Variants in SIGLEC5 observed in about 807,000 individuals in gnomAD.
SIGLEC5 encodes the protein sialic acid-binding Ig-like lectin 5.
A neutral mutation model predicts 45.9 loss-of-function variants in SIGLEC5; 34 were observed. The observed-to-expected ratio is 0.74, with a 90% CI of 0.56 to 0.99. The LOEUF is 0.99. SIGLEC5 is among the 50% of genes least tolerant of loss of function. The probability of loss-of-function intolerance (pLI) is 0.00; values close to 1 mark genes in which losing one functional copy is unlikely to be tolerated. For missense variants in SIGLEC5, 508 were observed against 629.6 expected (o/e 0.81, Z 2.07); for synonymous variants, 203 against 258.6 (o/e 0.79, Z 2.06).
At chr19:51,617,277 A>C (rs950030543) in intron 8 of SIGLEC5, among the ~76,000 whole-genome samples, 3 of 151,814 alleles carry the variant, frequency 2.0e-5, no homozygotes, top group African/African-American at 7.2e-5. Flanking sequence ...AAAGTAGAAA[A>C]GGAAAAATAT....
intron 8 of SIGLEC5, chr19:51,621,643 A>G (rs770993679): frequency 6.6e-6 from 1 of 152,226 alleles, no homozygotes; most frequent in Non-Finnish European, 1.5e-5. Context: ...GAATATCACT[A>G]ATTTTTCAGA....
At position 51,612,402 on chromosome 19, in the gene SIGLEC5, C is replaced by T. The variant is rs1459133693; in HGVS notation, c.1485G>A (p.Trp495Ter). The T allele has an allele frequency of 1.2e-6, 2 of 1,610,762 alleles. No individual in the cohort carries two copies. The highest frequency in any genetic ancestry group is 8.5e-7 in the Non-Finnish European group (1 of 1,178,616). The change falls in exon 9 of 9, where the codon TGG becomes TGA. Residue 495 changes from tryptophan to a stop codon, truncating the protein, a stop_gained. Transcript: ENST00000683636. LOFTEE classifies it low-confidence loss of function (END_TRUNC). ...ATGCTTGATCTCCGGGGCTGTCTGG[C>T]CAGGGCTTCTTCCTGGAACCCTGAG... ...TITSGSRKKP[W>*]PDSPGDQASP...
intron 3 of SIGLEC5, 135 bp downstream of exon 3, chr19:51,629,223 C>A: frequency 2.6e-6 from 4 of 1,542,140 alleles, no homozygotes; most frequent in Non-Finnish European, 2.6e-6. Context: ...GGCTTAGATC[C>A]ACACACAAGG....
rs1227783579 is a variant in SIGLEC5 at position 51,612,131 on chromosome 19, C to T, written c.*100G>A. 2.3e-6 allele frequency: 2 copies of T among 875,836 alleles called. No homozygotes were observed. The highest frequency in any genetic ancestry group is 3.8e-4 in the Middle Eastern group (1 of 2,656). 54.3% of individuals were successfully genotyped at this position (875,836 alleles called of 1,614,324 possible). On this transcript the variant is annotated 3_prime_UTR_variant, in exon 9 of 9. Transcript: ENST00000683636. The stretch of plus-strand genomic sequence containing the variant: ...TAAACATCAGTTAATGTTAACATTG[C>T]CACAAGGGCTCTTCGTGCTTCAGCA...
rs772906943 is a variant in SIGLEC5 at position 51,627,668 on chromosome 19, G to A, written c.1076C>T (p.Pro359Leu). 5.6e-6 allele frequency: 9 copies of A among 1,610,530 alleles called. No individual in the cohort carries two copies. Among genetic ancestry groups the A allele is most frequent in the African/African-American group, 2.7e-5 (2 of 74,978 alleles). ...LHCRCSFRAR[P>L]APSLCWRLEE... is the part of the protein sequence containing the mutation. Reference sequence around the variant, plus strand: ...AAGCCGCCAGCACAGGGAGGGGGCCGGCCGGGCTCGAAAGGAGCATCTGCA... The same window carrying A: ...AAGCCGCCAGCACAGGGAGGGGGCCAGCCGGGCTCGAAAGGAGCATCTGCA... Residue 359 changes from proline to leucine, a missense_variant, in exon 6 of 9, where the codon CCG (proline) becomes CTG (leucine). Coordinates refer to ENST00000683636, the MANE Select transcript of SIGLEC5 (RefSeq NM_003830.4).
intron 8 of SIGLEC5, among the ~76,000 whole-genome samples, chr19:51,620,494 T>G (rs895603179): frequency 1.3e-5 from 2 of 152,166 alleles, no homozygotes; most frequent in Non-Finnish European, 2.9e-5. Flanking sequence ...TTCCCCATGG[T>G]AACAGATTAA....
intron 8 of SIGLEC5, among the ~76,000 whole-genome samples, chr19:51,615,766 G>T (rs193214032): frequency 3.9e-5 from 6 of 152,240 alleles, no homozygotes; most frequent in African/African-American, 1.2e-4. Context: ...TCCACCCTGG[G>T]GCTTGTCCCA....
At chr19:51,617,172 G>A (rs1029401259) in intron 8 of SIGLEC5, among the ~76,000 whole-genome samples, 30 of 149,658 alleles carry the variant, frequency 2.0e-4, no homozygotes, top group African/African-American at 1.2e-4. Context: ...GGAGAATGGC[G>A]TGAACCCGGG....
At chr19:51,613,718 T>G (rs1982944537) in intron 8 of SIGLEC5, among the ~76,000 whole-genome samples, 1 of 152,250 alleles carries the variant, frequency 6.6e-6, no homozygotes, top group Non-Finnish European at 1.5e-5. Flanking sequence ...TATCCCCACC[T>G]TACACACAGG....
intron 8 of SIGLEC5, among the ~76,000 whole-genome samples, chr19:51,616,924 A>AAC (rs1983083907): frequency 6.7e-6 from 1 of 148,610 alleles, no homozygotes; most frequent in Non-Finnish European, 1.5e-5. Flanking sequence ...AAAAACAAAA[A>AAC]AAAAAAACAC....
chr19:51,612,445 T>A (rs1173354100), intron 8 of SIGLEC5, 23 bp from the exon 9 acceptor site: 1 of 1,554,354 alleles, frequency 6.4e-7, no homozygotes, highest in Non-Finnish European at 8.8e-7. Context: ...GAAGGAAAGG[T>A]GTCACAGTAG....
In SIGLEC5 at chr19:51,612,411, C is replaced by T. The variant is rs752973173; in HGVS notation, c.1476G>A (p.Lys492=). 1.9e-5 allele frequency: 31 copies of T among 1,609,166 alleles called. No individual in the cohort carries two copies. Among genetic ancestry groups the T allele is most frequent in the Non-Finnish European group, 2.6e-5 (31 of 1,178,072 alleles). The stretch of plus-strand genomic sequence containing the variant: ...CTCCGGGGCTGTCTGGCCAGGGCTT[C>T]TTCCTGGAACCCTGAGTAAAGGGGA... ...IMGTITSGSR[K]KPWPDSPGDQ... The change falls in exon 9 of 9, where the codon AAG becomes AAA. Residue 492 remains lysine, a synonymous_variant. Coordinates refer to ENST00000683636, the MANE Select transcript of SIGLEC5 (RefSeq NM_003830.4).
In SIGLEC5 at chr19:51,612,175, C is replaced by G. The variant is rs576568789; in HGVS notation, c.*56G>C. On this transcript the variant is annotated 3_prime_UTR_variant, in exon 9 of 9. Coordinates refer to ENST00000683636, the MANE Select transcript of SIGLEC5 (RefSeq NM_003830.4). ...TTCAGCAAGTGGTCCCTGACTTGTC[C>G]TTTCCCCCAGACAGGCTGTGGCTCC... The G allele has an allele frequency of 3.5e-6, 5 of 1,444,720 alleles. No homozygotes were observed. In the East Asian group the frequency reaches 9.6e-5, roughly 28 times the overall value. 89.5% of individuals were successfully genotyped at this position (1,444,720 alleles called of 1,614,324 possible).
chr19:51,626,305 A>G (rs1983477675), intron 7 of SIGLEC5, among the ~76,000 whole-genome samples, 192 bp from the exon 8 acceptor site: 1 of 152,154 alleles, frequency 6.6e-6, no homozygotes, highest in Non-Finnish European at 1.5e-5. Flanking sequence ...CAGGGTGGCC[A>G]TGGACTGAAT....
intron 8 of SIGLEC5, among the ~76,000 whole-genome samples, chr19:51,616,165 C>T (rs1263417429): frequency 6.6e-6 from 1 of 152,178 alleles, no homozygotes; most frequent in East Asian, 1.9e-4. Context: ...TAGCCAATAA[C>T]CCCAGGGGAA....
chr19:51,619,365 C>G (rs1344908538), intron 8 of SIGLEC5, among the ~76,000 whole-genome samples: 1 of 152,182 alleles, frequency 6.6e-6, no homozygotes, highest in African/African-American at 2.4e-5. Context: ...CAGGTATGAG[C>G]CACCGCACCC....
chr19:51,617,056 C>T (rs1404854526), intron 8 of SIGLEC5, among the ~76,000 whole-genome samples: 2 of 151,630 alleles, frequency 1.3e-5, no homozygotes, highest in Non-Finnish European at 2.9e-5. Context: ...GAGATCAAGA[C>T]CATCCTGGCT....
At position 51,628,017 on chromosome 19, in the gene SIGLEC5, G is replaced by C; in HGVS notation, c.814C>G (p.Pro272Ala). 3.7e-6 allele frequency: 6 copies of C among 1,605,474 alleles called. No individual in the cohort carries two copies. The highest frequency in any genetic ancestry group is 5.1e-6 in the Non-Finnish European group (6 of 1,175,608). The change falls in exon 5 of 9, where the codon CCC (proline) becomes GCC (alanine). Residue 272 changes from proline (P) to alanine (A), a missense_variant. Pro to Ala is a conservative substitution (Grantham distance 27). Around this residue, in one of 2 missense-constraint regions of SIGLEC5, gnomAD observed 431 missense variants for 428.8 expected, o/e 1.01. Coordinates refer to ENST00000683636, the MANE Select transcript of SIGLEC5 (RefSeq NM_003830.4). Reference protein sequence around the residue: ...GQALRLLCDAPSNPPAHLSWF... With the variant: ...GQALRLLCDAASNPPAHLSWF... Reference sequence around the variant, plus strand: ...CTCAGGTGTGCAGGGGGGTTGCTGGGAGCATCACAGAGCAGCCGCAGAGCC... The same window carrying C: ...CTCAGGTGTGCAGGGGGGTTGCTGGCAGCATCACAGAGCAGCCGCAGAGCC...
At chr19:51,628,195 C>T (rs1380423653) in intron 4 of SIGLEC5, 104 bp from the exon 5 acceptor site, 3 of 1,319,800 alleles carry the variant, frequency 2.3e-6, no homozygotes, top group Non-Finnish European at 3.0e-6. Context: ...CCTCTCCTCC[C>T]CTGGCCTATG....
Sources: gnomAD v4.1 joint callset for allele counts (sites outside exome capture counted in the v4.1 genomes callset) on GRCh38, gnomAD v4.1.1 for gene constraint, gnomAD v4.1.1 regional missense constraint, MANE v1.5 for transcripts, NCBI Gene and HGNC (gene_info 2026-07-23, HGNC 2026-07-21) for gene names.